The following LIMS1 variants were observed in gnomAD, a reference collection of about 807,000 sequenced individuals.
LIMS1 encodes the protein LIM zinc finger domain containing 1.
In LIMS1, 18 loss-of-function variants were observed where a neutral mutation model predicts 44.1. That is an observed-to-expected ratio of 0.41 (90% confidence interval 0.28 to 0.61). The LOEUF (loss-of-function observed/expected upper bound fraction) is 0.61. Ranked by LOEUF, LIMS1 falls within the 20% of genes least tolerant of loss-of-function variation. The probability of loss-of-function intolerance (pLI) is 0.32; values close to 1 mark genes in which losing one functional copy is unlikely to be tolerated. For missense variants in LIMS1, 201 were observed against 422.0 expected, an observed-to-expected ratio of 0.48 and a Z score of 4.59; for synonymous variants, 93 against 149.1, an observed-to-expected ratio of 0.62 and a Z score of 2.74.
intron 1 of LIMS1, among the ~76,000 whole-genome samples, chr2:108,546,269 CTT>C (rs35959257): frequency 5.5e-5 from 5 of 90,880 alleles, no homozygotes; most frequent in African/African-American, 1.7e-4. Flanking sequence ...AGGCTACCGC[CTT>C]TTTTTTTTTT....
rs1491397615 is a variant in LIMS1 at position 108,587,289 on chromosome 2, T to TG, written c.32+52695_32+52696insG. Among the ~76,000 whole-genome samples the TG allele has an allele frequency of 5.3e-3, 439 of 83,144 alleles. 4 individuals carry two copies. Among genetic ancestry groups the TG allele is most frequent in the Middle Eastern group, 0.016 (3 of 190 alleles). The allele number at this position is 83,144 out of a possible 152,430, so 54.5% of individuals were successfully genotyped here. On this transcript the variant is annotated intron_variant, in intron 1 of 9. Transcript: ENST00000544547. ...AAAGTGATGAGTTGTTTTCTTGGGG[T>TG]TTGTGTGTGTGTGTGTGTGTGTGTG...
chr2:108,673,383 G>T (rs1034205044), intron 5 of LIMS1: 11 of 325,772 alleles, frequency 3.4e-5, no homozygotes, highest in Admixed American at 9.6e-5. Context: ...GATACTTTTT[G>T]TAAATTTTTT....
chr2:108,677,984 T>C, exon 8 of LIMS1: 1 of 1,603,216 alleles, frequency 6.2e-7, no homozygotes, highest in Non-Finnish European at 8.5e-7. Flanking sequence ...TTCAGCTATT[T>C]GGTGATGTTT....
chr2:108,680,864 T>C (rs368347315), intron 9 of LIMS1, 94 bp downstream of exon 9: 190 of 1,522,700 alleles, frequency 1.2e-4, no homozygotes, highest in Admixed American at 1.6e-4. Context: ...AAGAGAATTA[T>C]TTGATTTCTT....
intron 1 of LIMS1, among the ~76,000 whole-genome samples, chr2:108,611,860 CATATATAT>C (rs1286907505): frequency 1.1e-5 from 1 of 91,742 alleles, no homozygotes. Context: ...TATATACACA[CATATATAT>C]ACACATATAT....
chr2:108,673,373 G>A (rs1318226975), intron 5 of LIMS1: 3 of 341,048 alleles, frequency 8.8e-6, no homozygotes, highest in Non-Finnish European at 1.6e-5. Context: ...ATGGAACCAC[G>A]ATACTTTTTG....
intron 1 of LIMS1, among the ~76,000 whole-genome samples, chr2:108,615,595 G>T (rs187705088): frequency 1.3e-5 from 2 of 152,254 alleles, no homozygotes; most frequent in Non-Finnish European, 2.9e-5. Flanking sequence ...GAGCCCAGAG[G>T]CTGTTCAGGG....
At chr2:108,638,496 C>G (rs1689432938) in intron 1 of LIMS1, among the ~76,000 whole-genome samples, 1 of 152,162 alleles carries the variant, frequency 6.6e-6, no homozygotes, top group Non-Finnish European at 1.5e-5. Flanking sequence ...GTAACCCCAG[C>G]ACTTTGGGAG....
intron 1 of LIMS1, among the ~76,000 whole-genome samples, chr2:108,605,518 T>C (rs1238831943): frequency 6.6e-6 from 1 of 152,234 alleles, no homozygotes; most frequent in East Asian, 1.9e-4. Flanking sequence ...TGAAACTTAC[T>C]GAAATTTATT....
At chr2:108,644,647 T>G (rs1689939120) in intron 1 of LIMS1, among the ~76,000 whole-genome samples, 1 of 151,718 alleles carries the variant, frequency 6.6e-6, no homozygotes, top group Admixed American at 6.6e-5. Context: ...GGAGAATGAG[T>G]TTGACGAATG....
chr2:108,669,731 A>G (rs1353094810), intron 2 of LIMS1, among the ~76,000 whole-genome samples: 1 of 152,106 alleles, frequency 6.6e-6, no homozygotes, highest in Non-Finnish European at 1.5e-5. Flanking sequence ...TTAAAAAAAA[A>G]AAAGGAACAC....
Position 108,669,608 on chromosome 2 carries a change from G to A in LIMS1, c.193-1173G>A, listed in dbSNP as rs764778939. On this transcript the variant is annotated intron_variant, in intron 2 of 9. Transcript: ENST00000544547. Reference sequence around the variant, plus strand: ...AAAAATGGATTTTAATAATCAAACAGTGTATGACTTTTGGCATATAACTTG... The same window carrying A: ...AAAAATGGATTTTAATAATCAAACAATGTATGACTTTTGGCATATAACTTG... Among the ~76,000 whole-genome samples the A allele has an allele frequency of 2.6e-5, 4 of 152,002 alleles. No homozygotes were observed. In the South Asian group the frequency reaches 6.2e-4, roughly 24 times the overall value.
At chr2:108,607,127 G>C in intron 1 of LIMS1, 1 of 1,178,086 alleles carries the variant, frequency 8.5e-7, no homozygotes. Context: ...TATAAAATAG[G>C]CCCAAGGGAG....
chr2:108,567,060 T>C (rs1685316538), intron 1 of LIMS1, among the ~76,000 whole-genome samples: 1 of 152,226 alleles, frequency 6.6e-6, no homozygotes, highest in Non-Finnish European at 1.5e-5. Context: ...TGTTCTACTT[T>C]CAATGTCTAT....
intron 1 of LIMS1, among the ~76,000 whole-genome samples, chr2:108,601,390 T>C (rs1383072130): frequency 1.3e-5 from 2 of 152,214 alleles, no homozygotes; most frequent in African/African-American, 4.8e-5. Context: ...AGTCTGGGAC[T>C]CTAGCTGTTT....
In LIMS1 at chr2:108,534,409, C is replaced by T. The variant is rs891691416; in HGVS notation, c.-154C>T. The stretch of plus-strand genomic sequence containing the variant: ...GCGCGGCCCGCCTCGCCTTCCCCCC[C>T]CTCCCGCGCCCCCGCGCGGCCGGCC... On this transcript the variant is annotated 5_prime_UTR_variant, in exon 1 of 10. Coordinates refer to ENST00000544547, the Ensembl canonical transcript of LIMS1. The T allele has an allele frequency of 6.2e-4, 242 of 392,782 alleles. 2 individuals carry two copies. In the South Asian group the frequency reaches 0.011, roughly 18 times the overall value. The allele number at this position is 392,782 out of a possible 1,614,324, so 24.3% of individuals were successfully genotyped here.
At chr2:108,577,750 AG>A (rs1351942210) in intron 1 of LIMS1, among the ~76,000 whole-genome samples, 1 of 152,242 alleles carries the variant, frequency 6.6e-6, no homozygotes, top group Non-Finnish European at 1.5e-5. Context: ...GTTCTTACAA[AG>A]CTGTTTAGCA....
At chr2:108,605,086 C>T (rs1687203382) in intron 1 of LIMS1, among the ~76,000 whole-genome samples, 1 of 152,190 alleles carries the variant, frequency 6.6e-6, no homozygotes, top group Non-Finnish European at 1.5e-5. Flanking sequence ...ATTAGGTACA[C>T]CTGTATTGGA....
intron 1 of LIMS1, among the ~76,000 whole-genome samples, chr2:108,591,169 G>A (rs1686368911): frequency 1.3e-5 from 2 of 152,166 alleles, no homozygotes; most frequent in African/African-American, 4.8e-5. Context: ...AATACCATAC[G>A]AAAGGATGTG....
Sources: gnomAD v4.1 joint callset for allele counts (sites outside exome capture counted in the v4.1 genomes callset) on GRCh38, gnomAD v4.1.1 for gene constraint, MANE v1.5 for transcripts, NCBI Gene and HGNC (gene_info 2026-07-23, HGNC 2026-07-21) for gene names.